Variants in ETFA observed in about 807,000 individuals in gnomAD.
ETFA encodes the protein electron transfer flavoprotein subunit alpha.
A neutral mutation model predicts 46.2 loss-of-function variants in ETFA; 22 were observed. The ratio of observed to expected loss-of-function variants is 0.48; its 90% CI spans 0.34 to 0.68. The LOEUF (loss-of-function observed/expected upper bound fraction) is 0.68. Ranked by LOEUF, ETFA falls within the 30% of genes least tolerant of loss-of-function variation. ETFA has a pLI of 0.01. For missense variants in ETFA, 345 were observed against 401.1 expected, an observed-to-expected ratio of 0.86 and a Z score of 1.19; for synonymous variants, 131 against 139.9, an observed-to-expected ratio of 0.94 and a Z score of 0.45.
intron 9 of ETFA, among the ~76,000 whole-genome samples, chr15:76,240,611 C>CA (rs2039175950): frequency 6.6e-6 from 1 of 152,020 alleles, no homozygotes; most frequent in Admixed American, 6.6e-5. Flanking sequence ...AAACACAATT[C>CA]AAAAATTTAA....
chr15:76,300,548 C>G (rs887620431), intron 1 of ETFA, among the ~76,000 whole-genome samples: 2 of 152,196 alleles, frequency 1.3e-5, no homozygotes, highest in East Asian at 1.9e-4. Flanking sequence ...CTCTATTACC[C>G]CACAGAGTCT....
At chr15:76,298,479 T>G (rs1398384944) in intron 1 of ETFA, among the ~76,000 whole-genome samples, 1 of 152,196 alleles carries the variant, frequency 6.6e-6, no homozygotes, top group Non-Finnish European at 1.5e-5. Flanking sequence ...TTTAACCAGA[T>G]TAACCAAACT....
intron 9 of ETFA, among the ~76,000 whole-genome samples, chr15:76,268,317 G>A (rs1348055798): frequency 6.6e-6 from 1 of 152,102 alleles, no homozygotes; most frequent in Non-Finnish European, 1.5e-5. Flanking sequence ...TATGACCATG[G>A]AGCGGGAGAC....
At position 76,265,087 on chromosome 15, in the gene ETFA, A is replaced by G. The variant is rs1243511768; in HGVS notation, c.816+9325T>C. Reference sequence around the variant, plus strand: ...ACATACAGCTGTCCCCCGCCACAGCAGACAGTGCTGCCATAGACCTCTGCA... The same window carrying G: ...ACATACAGCTGTCCCCCGCCACAGCGGACAGTGCTGCCATAGACCTCTGCA... On this transcript the variant is annotated intron_variant, in intron 9 of 11. Coordinates refer to ENST00000557943, the MANE Select transcript of ETFA (RefSeq NM_000126.4). 2.0e-5 allele frequency among the ~76,000 whole-genome samples: 3 copies of G among 151,132 alleles called. No individual in the cohort carries two copies. In the East Asian group the frequency reaches 5.8e-4, roughly 29 times the overall value.
At chr15:76,285,818 A>T in intron 6 of ETFA, 80 bp from the exon 7 acceptor site, 1 of 930,592 alleles carries the variant, frequency 1.1e-6, no homozygotes, top group Non-Finnish European at 1.8e-6. Flanking sequence ...AGAAACACAC[A>T]AGTATATAAT....
chr15:76,293,194 C>T (rs2039784836), intron 2 of ETFA, among the ~76,000 whole-genome samples: 1 of 152,112 alleles, frequency 6.6e-6, no homozygotes, highest in Non-Finnish European at 1.5e-5. Context: ...AATCTAATGC[C>T]AATAGATCTT....
intron 9 of ETFA, among the ~76,000 whole-genome samples, chr15:76,267,530 C>A (rs1275331984): frequency 1.3e-5 from 2 of 151,866 alleles, no homozygotes; most frequent in African/African-American, 4.8e-5. Context: ...CAAAAAGCCC[C>A]CACTGGAGCA....
At chr15:76,220,191 C>A (rs924441903) in intron 11 of ETFA, among the ~76,000 whole-genome samples, 1 of 152,172 alleles carries the variant, frequency 6.6e-6, no homozygotes, top group Non-Finnish European at 1.5e-5. Context: ...CTCAGCCTCC[C>A]GAGTAGCTGG....
chr15:76,271,909 GTA>G (rs964900642), intron 9 of ETFA, among the ~76,000 whole-genome samples: 43 of 124,674 alleles, frequency 3.4e-4, no homozygotes, highest in East Asian at 1.7e-3. Context: ...ATATGTGTGT[GTA>G]TATACACACA....
chr15:76,279,885 GTT>G (rs527237229), intron 8 of ETFA, among the ~76,000 whole-genome samples: 1 of 140,328 alleles, frequency 7.1e-6, no homozygotes, highest in Non-Finnish European at 1.6e-5. Flanking sequence ...TTAGTCCTGA[GTT>G]TTTTTTTTTT....
chr15:76,308,285 T>C (rs887106264), intron 1 of ETFA, among the ~76,000 whole-genome samples: 7 of 152,094 alleles, frequency 4.6e-5, no homozygotes, highest in Non-Finnish European at 5.9e-5. Flanking sequence ...TGATGAGAAA[T>C]AGGACAGTCA....
chr15:76,264,936 G>A (rs1021750544), intron 9 of ETFA, among the ~76,000 whole-genome samples: 1 of 152,182 alleles, frequency 6.6e-6, no homozygotes, highest in Non-Finnish European at 1.5e-5. Flanking sequence ...GGCAATCACT[G>A]GGCAAATCAG....
At position 76,302,672 on chromosome 15, in the gene ETFA, A is replaced by G. The variant is rs986985580; in HGVS notation, c.40-6935T>C. 4.6e-5 allele frequency among the ~76,000 whole-genome samples: 7 copies of G among 152,132 alleles called. No individual in the cohort carries two copies. The South Asian group carries it at 1.4e-3, about 31-fold the overall frequency. On this transcript the variant is annotated intron_variant, in intron 1 of 11. Transcript: ENST00000557943. ...GAGTGAATCCTAATGTAAACTATGG[A>G]CTCTGGGAAATGCTGATGTCAATGT... is the stretch of plus-strand genomic sequence containing the variant.
intron 7 of ETFA, chr15:76,284,589 C>G (rs1246412785): frequency 6.1e-6 from 1 of 163,166 alleles, no homozygotes; most frequent in African/African-American, 2.4e-5. Flanking sequence ...CTCCCAGGTT[C>G]AAGCAATTCT....
At chr15:76,263,818 A>G (rs953641506) in intron 9 of ETFA, among the ~76,000 whole-genome samples, 5 of 152,218 alleles carry the variant, frequency 3.3e-5, no homozygotes, top group African/African-American at 4.8e-5. Context: ...TCTGAGTGTG[A>G]GAAACAGCTA....
chr15:76,246,427 A>C (rs1159409575), intron 9 of ETFA, among the ~76,000 whole-genome samples: 1 of 152,252 alleles, frequency 6.6e-6, no homozygotes, highest in African/African-American at 2.4e-5. Flanking sequence ...CTAAAAACAG[A>C]CAGCCAACAT....
At chr15:76,297,021 GA>G (rs1235807850) in intron 1 of ETFA, among the ~76,000 whole-genome samples, 1 of 152,110 alleles carries the variant, frequency 6.6e-6, no homozygotes, top group Admixed American at 6.6e-5. Context: ...AAATGGCAAA[GA>G]AAAGTGAGAA....
At chr15:76,259,600 C>T in intron 9 of ETFA, 4 of 979,126 alleles carry the variant, frequency 4.1e-6, no homozygotes, top group Non-Finnish European at 4.9e-6. Context: ...TACAGGTTGT[C>T]AGCCAGGCTC....
chr15:76,262,014 G>A (rs74928221), intron 9 of ETFA, among the ~76,000 whole-genome samples: 70 of 152,198 alleles, frequency 4.6e-4, no homozygotes, highest in African/African-American at 1.6e-3. Context: ...ATACCTATGC[G>A]CAAGGATGTA....
Sources: allele counts gnomAD v4.1 joint callset (sites outside exome capture counted in the v4.1 genomes callset), GRCh38; gene constraint gnomAD v4.1.1; transcripts MANE v1.5; gene names NCBI Gene and HGNC (gene_info 2026-07-23, HGNC 2026-07-21).